Variants in FRY observed in about 807,000 individuals in gnomAD.
FRY encodes the protein protein furry homolog.
In FRY, 128 loss-of-function variants were observed where a neutral mutation model predicts 348.4. That is an observed-to-expected ratio of 0.37 (90% CI 0.32 to 0.43). FRY has a LOEUF of 0.43. Ranked by LOEUF, FRY falls within the 20% of genes least tolerant of loss-of-function variation. FRY has a pLI of 1.00. For synonymous variants in FRY, 1,370 were observed against 1,374.7 expected, an observed-to-expected ratio of 1.00 and a Z score of 0.08; for missense variants, 2,736 against 3,695.2, an observed-to-expected ratio of 0.74 and a Z score of 6.73.
At chr13:32,224,428 G>A (rs1885477894) in intron 37 of FRY, 43 bp downstream of exon 37, 2 of 1,595,256 alleles carry the variant, frequency 1.3e-6, no homozygotes, top group Non-Finnish European at 8.6e-7. Context: ...AGCTTTGACT[G>A]GACTTTTCTA....
intron 30 of FRY, 127 bp downstream of exon 30, chr13:32,202,167 G>T: frequency 1.2e-6 from 1 of 806,166 alleles, no homozygotes; most frequent in South Asian, 1.4e-5. Context: ...TTGTGGCTAT[G>T]AAGAGTGAGA....
At position 32,234,725 on chromosome 13, in the gene FRY, G is replaced by T. The variant is rs1469100417; in HGVS notation, c.5679G>T (p.Leu1893Phe). 11 of 1,614,096 alleles carry T rather than the reference G, an allele frequency of 6.8e-6. No homozygotes were observed. Among genetic ancestry groups the T allele is most frequent in the Non-Finnish European group, 9.3e-6 (11 of 1,180,010 alleles). Reference sequence around the variant, plus strand: ...CCTTATCTGACCTTCTCTCAAGATTGGTGGAGGTGATAGGAGAACATGGAG... The same window carrying T: ...CCTTATCTGACCTTCTCTCAAGATTTGTGGAGGTGATAGGAGAACATGGAG... ...AHALSDLLSRLVEVIGEHGDE... is the reference protein window; with the variant it reads ...AHALSDLLSRFVEVIGEHGDE... Residue 1893 changes from leucine to phenylalanine, a missense_variant, in exon 42 of 61, where the codon TTG becomes TTT. Coordinates refer to ENST00000542859, the MANE Select transcript of FRY (RefSeq NM_023037.3).
In FRY at chr13:32,254,300, G is replaced by A. The variant is rs757073732; in HGVS notation, c.7322G>A (p.Arg2441Gln). 3.7e-6 allele frequency: 6 copies of A among 1,614,054 alleles called. No homozygotes were observed. The highest frequency in any genetic ancestry group is 2.2e-5 in the East Asian group (1 of 44,874). Residue 2441 changes from arginine (R) to glutamine (Q), a missense_variant, in exon 51 of 61, where the codon CGA (arginine) becomes CAA (glutamine). Around this residue, in one of 9 missense-constraint regions of FRY, gnomAD observed 789 missense variants for 996.2 expected, o/e 0.79. Transcript: ENST00000542859. ...TSLVSSEDGA[R>Q]EQENMDDTNS... The stretch of plus-strand genomic sequence containing the variant: ...TTGGTATCTTCTGAGGACGGTGCCC[G>A]AGAGCAGGAGAACATGGATGACACA...
intron 14 of FRY, among the ~76,000 whole-genome samples, chr13:32,150,613 A>G (rs954006806): frequency 2.0e-5 from 3 of 152,208 alleles, no homozygotes; most frequent in Non-Finnish European, 4.4e-5. Context: ...AAGAATTGTG[A>G]TATTAGGAAG....
At chr13:32,075,039 T>A (rs378693) in intron 1 of FRY, among the ~76,000 whole-genome samples, 3 of 152,000 alleles carry the variant, frequency 2.0e-5, no homozygotes, top group Admixed American at 6.5e-5. Context: ...TGGAAAATGG[T>A]GCCTCAGTGT....
At chr13:32,051,798 G>A (rs568285400) in intron 1 of FRY, among the ~76,000 whole-genome samples, 4 of 152,242 alleles carry the variant, frequency 2.6e-5, no homozygotes, top group Non-Finnish European at 4.4e-5. Flanking sequence ...CTACAAAGAA[G>A]TAGGCAAGGT....
At chr13:32,069,439 A>C (rs146158934) in intron 1 of FRY, among the ~76,000 whole-genome samples, 38 of 152,262 alleles carry the variant, frequency 2.5e-4, no homozygotes, top group Non-Finnish European at 4.7e-4. Context: ...GAAGTCCCAA[A>C]ACTAGCTTAC....
intron 29 of FRY, among the ~76,000 whole-genome samples, 161 bp downstream of exon 29, chr13:32,194,458 G>A (rs1468235875): frequency 6.6e-6 from 1 of 152,196 alleles, no homozygotes; most frequent in Non-Finnish European, 1.5e-5. Flanking sequence ...CTCCCTGTAA[G>A]GTTGCAGTTC....
At position 32,276,482 on chromosome 13, in the gene FRY, C is replaced by A. The variant is rs1283379351; in HGVS notation, c.8305C>A (p.Leu2769Met). The A allele has an allele frequency of 6.3e-7, 1 of 1,597,238 alleles. No individual in the cohort carries two copies. The highest frequency in any genetic ancestry group is 8.6e-7 in the Non-Finnish European group (1 of 1,164,612). The stretch of plus-strand genomic sequence containing the variant: ...TCTTTAGCTCCTTTCATGTGGACTT[C>A]TGGACAAGCTCAAGTTCAGTGTGTT... ...DAETLLSCGLLDKLKFSVLEL... is the reference protein window; with the variant it reads ...DAETLLSCGLMDKLKFSVLEL... Residue 2769 changes from leucine to methionine, a missense_variant, in exon 57 of 61, where the codon CTG (leucine) becomes ATG (methionine). By Grantham distance (15) the Leu-to-Met change is conservative (BLOSUM62 2). This residue lies in a region of FRY where 789 missense variants were observed against 996.2 expected (regional missense o/e 0.79). Transcript: ENST00000542859.
chr13:32,284,209 A>G (rs1888944234), intron 58 of FRY, among the ~76,000 whole-genome samples: 1 of 152,228 alleles, frequency 6.6e-6, no homozygotes, highest in South Asian at 2.1e-4. Context: ...AAGTACAATA[A>G]TTTATATTTA....
At chr13:32,208,723 G>A (rs1884501801) in intron 31 of FRY, 130 bp from the exon 32 acceptor site, 1 of 1,067,278 alleles carries the variant, frequency 9.4e-7, no homozygotes, top group Non-Finnish European at 1.4e-6. Flanking sequence ...TGTGGCCTTG[G>A]GGAGCTCCTG....
intron 1 of FRY, among the ~76,000 whole-genome samples, chr13:32,040,013 A>G (rs1413743339): frequency 6.6e-6 from 1 of 152,238 alleles, no homozygotes; most frequent in African/African-American, 2.4e-5. Context: ...CATAAGCACA[A>G]CATTATGGAA....
At chr13:32,245,882 C>A (rs941505466) in intron 47 of FRY, among the ~76,000 whole-genome samples, 2 of 152,228 alleles carry the variant, frequency 1.3e-5, no homozygotes, top group Non-Finnish European at 2.9e-5. Context: ...TCTCTGGAAG[C>A]TCATTGATGA....
intron 1 of FRY, among the ~76,000 whole-genome samples, chr13:32,063,744 T>A (rs1874080352): frequency 6.6e-6 from 1 of 152,212 alleles, no homozygotes; most frequent in Non-Finnish European, 1.5e-5. Context: ...ATTCACAACA[T>A]ACCCTTAGTC....
chr13:32,202,470 C>A lies in FRY; in HGVS notation c.3961C>A (p.Leu1321Ile). Residue 1321 changes from leucine to isoleucine, a missense_variant, in exon 31 of 61, where the codon CTC (leucine) becomes ATC (isoleucine). This residue lies in a region of FRY where 794 missense variants were observed against 977.0 expected (regional missense o/e 0.81). Coordinates refer to ENST00000542859, the MANE Select transcript of FRY (RefSeq NM_023037.3). Reference sequence around the variant, plus strand: ...ACCCCTCTACAGCGTGTCACTTGCCCTCTTGTCATGTGAGCTGGCCAGGAT... The same window carrying A: ...ACCCCTCTACAGCGTGTCACTTGCCATCTTGTCATGTGAGCTGGCCAGGAT... ...LPPLYSVSLA[L>I]LSCELARMYP... 1.2e-6 allele frequency: 2 copies of A among 1,613,898 alleles called. No homozygotes were observed.
rs1299349585 is a variant in FRY, at chr13:32,234,562, T to C, written c.5528-12T>C. ...TAGAGACTGACCTATTCTGTGGCTC[T>C]TGTTACCCTAGGCTTCCATCTGGAG... On this transcript the variant is annotated splice_polypyrimidine_tract_variant and intron_variant, in intron 41 of 60. Transcript: ENST00000542859. 5 of 1,613,178 alleles carry C rather than the reference T, an allele frequency of 3.1e-6. No homozygotes were observed. The highest frequency in any genetic ancestry group is 4.2e-6 in the Non-Finnish European group (5 of 1,179,578).
intron 54 of FRY, 28 bp from the exon 55 acceptor site, chr13:32,267,142 T>C: frequency 6.2e-7 from 1 of 1,601,542 alleles, no homozygotes; most frequent in South Asian, 1.1e-5. Context: ...ACATCACTTC[T>C]TGACATAGTC....
chr13:32,215,511 C>G (rs1884938888), intron 35 of FRY, among the ~76,000 whole-genome samples: 1 of 152,120 alleles, frequency 6.6e-6, no homozygotes, highest in African/African-American at 2.4e-5. Context: ...TCAAAATCAA[C>G]ATATATTTAT....
chr13:32,208,155 C>A (rs1298345126), intron 31 of FRY, among the ~76,000 whole-genome samples: 1 of 152,238 alleles, frequency 6.6e-6, no homozygotes, highest in Non-Finnish European at 1.5e-5. Context: ...CAGCCCTTGG[C>A]AGGCACCTTC....
Sources: gnomAD v4.1 joint callset for allele counts (sites outside exome capture counted in the v4.1 genomes callset) on GRCh38, gnomAD v4.1.1 for gene constraint, gnomAD v4.1.1 regional missense constraint, MANE v1.5 for transcripts, NCBI Gene and HGNC (gene_info 2026-07-23, HGNC 2026-07-21) for gene names.